The following LRRC7 variants were observed in gnomAD, a reference collection of about 807,000 sequenced individuals.
LRRC7 encodes the protein leucine-rich repeat-containing protein 7.
Under a neutral mutation model 175.7 loss-of-function variants are expected in LRRC7, and 23 were observed. The ratio of observed to expected loss-of-function variants is 0.13; its 90% CI spans 0.09 to 0.19. The LOEUF is 0.19. LRRC7 is among the 10% of genes least tolerant of loss of function. The pLI is 1.00. For synonymous variants in LRRC7, 685 were observed against 680.9 expected (o/e 1.01, Z -0.09); for missense variants, 1,354 against 1,904.7 (o/e 0.71, Z 5.38).
chr1:69,710,245 C>T (rs529095283), intron 2 of LRRC7, among the ~76,000 whole-genome samples: 1 of 148,800 alleles, frequency 6.7e-6, no homozygotes, highest in East Asian at 2.0e-4. Flanking sequence ...CGCCACTGCT[C>T]CCCAGCCTGG....
At chr1:69,618,429 C>T (rs1230080918) in intron 1 of LRRC7, among the ~76,000 whole-genome samples, 1 of 152,172 alleles carries the variant, frequency 6.6e-6, no homozygotes, top group Non-Finnish European at 1.5e-5. Flanking sequence ...CTTTCATCTT[C>T]ATTCCAGTGT....
intron 7 of LRRC7, among the ~76,000 whole-genome samples, chr1:69,882,723 C>T (rs981637097): frequency 3.0e-4 from 45 of 150,814 alleles, no homozygotes; most frequent in African/African-American, 9.3e-4. Context: ...ACTAACCCGT[C>T]ATCTAGCATT....
At chr1:70,120,378 C>A (rs190446901) in intron 26 of LRRC7, among the ~76,000 whole-genome samples, 2 of 152,038 alleles carry the variant, frequency 1.3e-5, no homozygotes, top group Non-Finnish European at 2.9e-5. Context: ...ATTCTGTCAT[C>A]TAGTATTTTT....
intron 4 of LRRC7, among the ~76,000 whole-genome samples, chr1:69,799,707 TTGAC>T (rs1219405039): frequency 6.6e-6 from 1 of 152,030 alleles, no homozygotes; most frequent in Non-Finnish European, 1.5e-5. Context: ...GATTATTTAT[TTGAC>T]TGTACAGAGG....
intron 2 of LRRC7, among the ~76,000 whole-genome samples, chr1:69,698,606 G>A (rs1172024108): frequency 6.6e-6 from 1 of 152,156 alleles, no homozygotes; most frequent in East Asian, 1.9e-4. Flanking sequence ...CTGCAACCAG[G>A]CTCATGGCAT....
chr1:69,759,469 G>C (rs1404256051), intron 2 of LRRC7, among the ~76,000 whole-genome samples: 1 of 151,972 alleles, frequency 6.6e-6, no homozygotes, highest in East Asian at 1.9e-4. Context: ...ATAGGAGAAA[G>C]ATGTGTCAGG....
At chr1:69,630,795 T>C in intron 1 of LRRC7, among the ~76,000 whole-genome samples, 1 of 152,152 alleles carries the variant, frequency 6.6e-6, no homozygotes, top group Middle Eastern at 3.4e-3. Flanking sequence ...CCAAATAAAG[T>C]TGAAATTTCT....
intron 2 of LRRC7, chr1:69,716,147 C>T (rs573995250): frequency 3.1e-4 from 133 of 426,002 alleles, no homozygotes; most frequent in South Asian, 6.3e-4. Context: ...TAAAGGAGCC[C>T]GCTACATGAA....
At chr1:69,606,607 A>G (rs891694298) in intron 1 of LRRC7, among the ~76,000 whole-genome samples, 7 of 152,158 alleles carry the variant, frequency 4.6e-5, no homozygotes, top group Admixed American at 3.3e-4. Context: ...GCACAAGTCC[A>G]GCTATTTATA....
At chr1:69,782,471 G>A (rs1259821608) in intron 3 of LRRC7, among the ~76,000 whole-genome samples, 3 of 152,206 alleles carry the variant, frequency 2.0e-5, no homozygotes, top group Non-Finnish European at 2.9e-5. Flanking sequence ...AGGTGGGATA[G>A]GGTGGAGTGG....
At chr1:70,036,293 A>C (rs1659302487) in intron 19 of LRRC7, 61 bp downstream of exon 19, 2 of 1,458,760 alleles carry the variant, frequency 1.4e-6, no homozygotes, top group South Asian at 2.4e-5. Context: ...ATGAATCGCC[A>C]GTTGTAAATT....
intron 7 of LRRC7, among the ~76,000 whole-genome samples, chr1:69,924,287 C>G (rs977499839): frequency 1.1e-4 from 16 of 152,038 alleles, no homozygotes; most frequent in African/African-American, 3.1e-4. Flanking sequence ...GCGATGCGGG[C>G]TCTTTTTTGG....
intron 8 of LRRC7, among the ~76,000 whole-genome samples, chr1:69,939,009 A>ATATC (rs1648365271): frequency 1.1e-5 from 1 of 94,692 alleles, no homozygotes; most frequent in South Asian, 3.1e-4. Flanking sequence ...ATATATATAT[A>ATATC]TATATCTATA....
chr1:70,030,311 C>T (rs1367325482), intron 18 of LRRC7, among the ~76,000 whole-genome samples: 2 of 152,158 alleles, frequency 1.3e-5, no homozygotes, highest in East Asian at 1.9e-4. Context: ...GTGTGATTTG[C>T]ACCACCCCTT....
intron 1 of LRRC7, among the ~76,000 whole-genome samples, chr1:69,616,804 G>C (rs1461942429): frequency 6.6e-6 from 1 of 151,972 alleles, no homozygotes; most frequent in Non-Finnish European, 1.5e-5. Flanking sequence ...AAATGGCAAG[G>C]GATAGGCTAC....
At chr1:69,590,815 T>TA (rs1239018024) in intron 1 of LRRC7, among the ~76,000 whole-genome samples, 1 of 152,090 alleles carries the variant, frequency 6.6e-6, no homozygotes, top group African/African-American at 2.4e-5. Context: ...GCTTTAGACA[T>TA]AAAAAATTCA....
At chr1:69,969,862 A>G (rs1230872724) in intron 8 of LRRC7, among the ~76,000 whole-genome samples, 1 of 152,194 alleles carries the variant, frequency 6.6e-6, no homozygotes, top group Non-Finnish European at 1.5e-5. Flanking sequence ...TTTCTCCGGG[A>G]TAGACCACAT....
intron 2 of LRRC7, among the ~76,000 whole-genome samples, chr1:69,734,873 T>C (rs765717691): frequency 6.6e-6 from 1 of 151,910 alleles, no homozygotes; most frequent in Non-Finnish European, 1.5e-5. Flanking sequence ...TTTTAAGTTA[T>C]GTAGATAAAT....
chr1:69,593,713 C>T (rs2025598), intron 1 of LRRC7, among the ~76,000 whole-genome samples: 99,516 of 152,052 alleles, frequency 0.65, 32,744 homozygotes, highest in South Asian at 0.73. Flanking sequence ...ATATTTACAG[C>T]TGAAATCAGA....
Sources: gnomAD v4.1 joint callset for allele counts (sites outside exome capture counted in the v4.1 genomes callset) on GRCh38, gnomAD v4.1.1 for gene constraint, MANE v1.5 for transcripts, NCBI Gene and HGNC (gene_info 2026-07-23, HGNC 2026-07-21) for gene names.